Variants in DTYMK observed in about 807,000 individuals in gnomAD.
The protein encoded by DTYMK is thymidylate kinase.
In DTYMK, 20 loss-of-function variants were observed where a neutral mutation model predicts 20.3. The ratio of observed to expected loss-of-function variants is 0.99; its 90% CI spans 0.69 to 1.43. The LOEUF is 1.43. Among genes scored for constraint, DTYMK ranks in the 40% most tolerant of loss-of-function variants. The pLI is 0.00. For synonymous variants in DTYMK, 148 were observed against 124.4 expected (o/e 1.19, Z -1.27); for missense variants, 320 against 291.1 (o/e 1.10, Z -0.72).
chr2:241,686,634 C>T lies in DTYMK; in HGVS notation c.130+20G>A. 6 of 1,492,056 alleles carry T rather than the reference C, an allele frequency of 4.0e-6. No individual in the cohort carries two copies. Among genetic ancestry groups the T allele is most frequent in the Non-Finnish European group, 5.3e-6 (6 of 1,133,804 alleles). The allele number at this position is 1,492,056 out of a possible 1,614,324, so 92.4% of individuals were successfully genotyped here. A position where few individuals can be genotyped will look rare whatever the true frequency, so the allele number is the denominator to read the frequency against. On this transcript the variant is annotated intron_variant, in intron 1 of 4. Coordinates refer to ENST00000305784, the MANE Select transcript of DTYMK (RefSeq NM_012145.4). Reference sequence around the variant, plus strand: ...AGAGGCACCGAAGGCCGCGGCGCACCCCCCGCCGCGCGCACCCACCCGGGA... The same window carrying T: ...AGAGGCACCGAAGGCCGCGGCGCACTCCCCGCCGCGCGCACCCACCCGGGA...
At chr2:241,679,623 C>T (rs1310051105) in intron 3 of DTYMK, among the ~76,000 whole-genome samples, 2 of 151,884 alleles carry the variant, frequency 1.3e-5, no homozygotes, top group African/African-American at 4.8e-5. Flanking sequence ...GAGGGAGACG[C>T]CCTCTTTCAA....
chr2:241,678,635 A>G lies in DTYMK; in HGVS notation c.345T>C (p.Asp115=), dbSNP rs1131195. Reference sequence around the variant, plus strand: ...GGCCCACGTCTGGCTGTTTACACCAATCTAGGGAAAAATTCTGCCAAGAAA... The same window carrying G: ...GGCCCACGTCTGGCTGTTTACACCAGTCTAGGGAAAAATTCTGCCAAGAAA... ...FTGAKENFSL[D]WCKQPDVGLP... The change falls in exon 4 of 5, where the codon GAT becomes GAC. Residue 115 remains aspartate, a synonymous_variant. Transcript: ENST00000305784. 630,773 of 1,613,744 alleles carry G rather than the reference A, an allele frequency of 0.39. 126,394 individuals are homozygous for G. Among genetic ancestry groups the G allele is most frequent in the Middle Eastern group, 0.51 (3,113 of 6,060 alleles).
chr2:241,678,148 T>C (rs999891873), intron 4 of DTYMK, among the ~76,000 whole-genome samples: 1 of 151,958 alleles, frequency 6.6e-6, no homozygotes, highest in African/African-American at 2.4e-5. Context: ...CACGTGCCTG[T>C]AATCCCAGCT....
intron 4 of DTYMK, among the ~76,000 whole-genome samples, chr2:241,677,470 C>T (rs924737080): frequency 4.6e-5 from 7 of 152,272 alleles, no homozygotes; most frequent in Non-Finnish European, 7.3e-5. Flanking sequence ...CGGGCTGGGG[C>T]GAGACCCTCG....
rs773721953 is a variant in DTYMK at position 241,678,538 on chromosome 2, G to C, written c.442C>G (p.His148Asp). 1.1e-5 allele frequency: 17 copies of C among 1,614,192 alleles called. No homozygotes were observed. The East Asian group carries it at 3.6e-4, about 34-fold the overall frequency. ...AAAGCCCCGTTCTCATAGCGCTCATGGCCAAACGCTCCCCGCTTGGCAGCA... is the reference window on the plus strand; with the variant it reads ...AAAGCCCCGTTCTCATAGCGCTCATCGCCAAACGCTCCCCGCTTGGCAGCA... ...ADAAKRGAFG[H>D]ERYENGAFQE... Residue 148 changes from histidine (H) to aspartate (D), a missense_variant, in exon 4 of 5, where the codon CAT (histidine) becomes GAT (aspartate). His to Asp is a moderately conservative substitution (Grantham distance 81, BLOSUM62 -1). Transcript: ENST00000305784.
chr2:241,678,589 G>C lies in DTYMK; in HGVS notation c.391C>G (p.Leu131Val), dbSNP rs370482315. ...DVGLPKPDLV[L>V]FLQLQLADAA... is the part of the protein sequence containing the mutation. Reference sequence around the variant, plus strand: ...TCCGCCAGCTGTAACTGGAGGAACAGGACCAGGTCGGGTTTGGGAAGGCCC... The same window carrying C: ...TCCGCCAGCTGTAACTGGAGGAACACGACCAGGTCGGGTTTGGGAAGGCCC... The change falls in exon 4 of 5, where the codon CTG (leucine) becomes GTG (valine). Residue 131 changes from leucine to valine, a missense_variant. Physicochemically the swap from Leu to Val is conservative, Grantham distance 32. Transcript: ENST00000305784. The C allele has an allele frequency of 8.9e-5, 144 of 1,614,084 alleles. No homozygotes were observed. The highest frequency in any genetic ancestry group is 1.2e-4 in the Non-Finnish European group (141 of 1,180,056).
At chr2:241,677,910 G>C (rs892028640) in intron 4 of DTYMK, among the ~76,000 whole-genome samples, 14 of 152,238 alleles carry the variant, frequency 9.2e-5, no homozygotes, top group Non-Finnish European at 1.5e-5. Context: ...GTGGAGGATT[G>C]CGCAGACTCT....
At chr2:241,683,225 C>A (rs2069306804) in intron 2 of DTYMK, among the ~76,000 whole-genome samples, 1 of 152,186 alleles carries the variant, frequency 6.6e-6, no homozygotes, top group East Asian at 1.9e-4. Flanking sequence ...GCCACACACA[C>A]CTATCAGAAT....
intron 4 of DTYMK, among the ~76,000 whole-genome samples, chr2:241,677,536 A>G (rs987021964): frequency 2.0e-5 from 3 of 152,258 alleles, no homozygotes; most frequent in Non-Finnish European, 4.4e-5. Flanking sequence ...CGTGGCCACA[A>G]GCGACAGTGC....
In DTYMK at chr2:241,680,452, G is replaced by A. The variant is rs556294215; in HGVS notation, c.240-133C>T. On this transcript the variant is annotated intron_variant, in intron 2 of 4. Coordinates refer to ENST00000305784, the MANE Select transcript of DTYMK (RefSeq NM_012145.4). Reference sequence around the variant, plus strand: ...AGCGCTTTGGGAGGCTGAGGCGGGCGGATCACAAGGTCAGGAGATCGAGAC... The same window carrying A: ...AGCGCTTTGGGAGGCTGAGGCGGGCAGATCACAAGGTCAGGAGATCGAGAC... 8.5e-3 allele frequency: 6,989 copies of A among 818,384 alleles called. 59 individuals carry two copies. Among genetic ancestry groups the A allele is most frequent in the Non-Finnish European group, 9.8e-3 (5,019 of 510,852 alleles). 50.7% of individuals were successfully genotyped at this position (818,384 alleles called of 1,614,324 possible).
intron 4 of DTYMK, among the ~76,000 whole-genome samples, chr2:241,677,998 G>A (rs1170569493): frequency 2.0e-5 from 3 of 152,096 alleles, no homozygotes; most frequent in African/African-American, 7.2e-5. Context: ...GGCACTGGCC[G>A]GGCGCGATGG....
intron 2 of DTYMK, chr2:241,682,938 GAA>G (rs1008475807): frequency 1.3e-5 from 2 of 156,660 alleles, no homozygotes; most frequent in Middle Eastern, 5.2e-4. Flanking sequence ...AAACAAAAAA[GAA>G]ATACAAAACT....
intron 2 of DTYMK, among the ~76,000 whole-genome samples, chr2:241,682,604 A>G (rs1187681396): frequency 6.6e-6 from 1 of 152,154 alleles, no homozygotes; most frequent in African/African-American, 2.4e-5. Flanking sequence ...CCTGGGAAAC[A>G]TGGTGAAACC....
At position 241,676,217 on chromosome 2, in the gene DTYMK, G is replaced by A; in HGVS notation, c.549C>T (p.Ser183=). The part of the protein sequence containing the change: ...LNWKMVDASK[S]IEAVHEDIRV... Reference sequence around the variant, plus strand: ...GGATGTCCTCATGGACAGCTTCGATGCTTTTGGAAGCATCCACCATCTGTT... The same window carrying A: ...GGATGTCCTCATGGACAGCTTCGATACTTTTGGAAGCATCCACCATCTGTT... Residue 183 remains serine, a synonymous_variant, in exon 5 of 5, where the codon AGC becomes AGT. Transcript: ENST00000305784. 2 of 1,612,194 alleles carry A rather than the reference G, an allele frequency of 1.2e-6. No individual in the cohort carries two copies. The highest frequency in any genetic ancestry group is 1.1e-5 in the South Asian group (1 of 90,706).
At chr2:241,680,353 G>A (rs1275741759) in intron 2 of DTYMK, 34 bp from the exon 3 acceptor site, 1 of 1,609,822 alleles carries the variant, frequency 6.2e-7, no homozygotes, top group Non-Finnish European at 8.5e-7. Flanking sequence ...CCCTGGTCCT[G>A]TTTCATAGGC....
chr2:241,682,357 AGAGT>A (rs1432406401), intron 2 of DTYMK: 1 of 376,258 alleles, frequency 2.7e-6, no homozygotes, highest in Non-Finnish European at 5.3e-6. Flanking sequence ...AGAGAGAAAG[AGAGT>A]GAGAAAACAG....
intron 2 of DTYMK, chr2:241,681,834 G>A (rs2069264947): frequency 6.3e-6 from 1 of 158,206 alleles, no homozygotes. Flanking sequence ...CTTGAGGCCA[G>A]GTGTTTGAGA....
Position 241,683,991 on chromosome 2 carries a change from C to T in DTYMK, c.239+1778G>A, listed in dbSNP as rs189687321. 2.1e-3 allele frequency among the ~76,000 whole-genome samples: 325 copies of T among 151,866 alleles called. 1 individual carries two copies. The highest frequency in any genetic ancestry group is 1.7e-3 in the Non-Finnish European group (117 of 67,938). Reference sequence around the variant, plus strand: ...AGAAATGCTTGAACCCGGGAGGCGGCGGTTGCAGTGAGCCGAGACTGAGCC... The same window carrying T: ...AGAAATGCTTGAACCCGGGAGGCGGTGGTTGCAGTGAGCCGAGACTGAGCC... On this transcript the variant is annotated intron_variant, in intron 2 of 4. Transcript: ENST00000305784.
Position 241,680,178 on chromosome 2 carries a change from C to G in DTYMK, c.330+51G>C, listed in dbSNP as rs754460729. 3.8e-6 allele frequency: 6 copies of G among 1,590,024 alleles called. No individual in the cohort carries two copies. In the South Asian group the frequency reaches 5.5e-5, roughly 15 times the overall value. On this transcript the variant is annotated intron_variant, in intron 3 of 4. Transcript: ENST00000305784. Reference sequence around the variant, plus strand: ...ACTCGTACTCGCATTCAAGGGCAGTCCTGGGTCCACACATCTGTGCTCGCC... The same window carrying G: ...ACTCGTACTCGCATTCAAGGGCAGTGCTGGGTCCACACATCTGTGCTCGCC...
Sources: gnomAD v4.1 joint callset for allele counts (sites outside exome capture counted in the v4.1 genomes callset) on GRCh38, gnomAD v4.1.1 for gene constraint, MANE v1.5 for transcripts, NCBI Gene and HGNC (gene_info 2026-07-23, HGNC 2026-07-21) for gene names.